The following MTHFD1 variants were observed in gnomAD, a reference collection of about 807,000 sequenced individuals.
MTHFD1 encodes methylenetetrahydrofolate dehydrogenase, cyclohydrolase and formyltetrahydrofolate synthetase 1.
A neutral mutation model predicts 110.3 loss-of-function variants in MTHFD1; 44 were observed. The observed-to-expected ratio is 0.40, with a 90% confidence interval of 0.31 to 0.51. The LOEUF is 0.51. Ranked by LOEUF, MTHFD1 falls within the 20% of genes least tolerant of loss-of-function variation. The pLI is 0.60. For synonymous variants in MTHFD1, 402 were observed against 428.8 expected (o/e 0.94, Z 0.77); for missense variants, 909 against 1,173.1 (o/e 0.77, Z 3.29).
chr14:64,425,003 T>C, intron 9 of MTHFD1, 72 bp downstream of exon 9: 6 of 1,580,244 alleles, frequency 3.8e-6, no homozygotes, highest in Non-Finnish European at 5.2e-6. Context: ...TCTCCCCAAG[T>C]AGAAATGTCA....
intron 1 of MTHFD1, among the ~76,000 whole-genome samples, chr14:64,397,993 A>C (rs975819380): frequency 6.6e-6 from 1 of 152,176 alleles, no homozygotes; most frequent in Non-Finnish European, 1.5e-5. Context: ...CTTAGGGCCA[A>C]AGAGAGCCTG....
Position 64,399,530 on chromosome 14 carries a change from G to A in MTHFD1, c.42-1263G>A, listed in dbSNP as rs144345053. Reference sequence around the variant, plus strand: ...AAAAATTAGCCGGGCGTGGTGGCACGTGCCTGTAATCTCAGCTACTCAGGA... The same window carrying A: ...AAAAATTAGCCGGGCGTGGTGGCACATGCCTGTAATCTCAGCTACTCAGGA... On this transcript the variant is annotated intron_variant, in intron 1 of 27. Transcript: ENST00000652337. 4.3e-3 allele frequency among the ~76,000 whole-genome samples: 660 copies of A among 151,934 alleles called. 7 individuals carry two copies. The highest frequency in any genetic ancestry group is 0.015 in the African/African-American group (626 of 41,444).
At chr14:64,394,308 C>T (rs151069897) in intron 1 of MTHFD1, among the ~76,000 whole-genome samples, 27 of 152,228 alleles carry the variant, frequency 1.8e-4, no homozygotes, top group African/African-American at 6.3e-4. Flanking sequence ...GCATTTCTTT[C>T]CCTACCATGG....
At chr14:64,415,148 A>G (rs1203015861) in intron 4 of MTHFD1, among the ~76,000 whole-genome samples, 1 of 152,112 alleles carries the variant, frequency 6.6e-6, no homozygotes, top group Non-Finnish European at 1.5e-5. Context: ...TAGCTCTTTT[A>G]TTTGATGGAC....
chr14:64,420,953 C>T (rs566882716), intron 8 of MTHFD1, among the ~76,000 whole-genome samples: 2 of 152,128 alleles, frequency 1.3e-5, no homozygotes, highest in Admixed American at 1.3e-4. Context: ...GCAAAACTTG[C>T]GTACGTCCTC....
chr14:64,396,174 G>A (rs12587229), intron 1 of MTHFD1, among the ~76,000 whole-genome samples: 49,407 of 151,868 alleles, frequency 0.33, 9,584 homozygotes, highest in South Asian at 0.52. Context: ...TAGTACTATT[G>A]TCAGTTGACT....
intron 4 of MTHFD1, among the ~76,000 whole-genome samples, chr14:64,413,426 A>G (rs993386817): frequency 3.3e-5 from 5 of 152,158 alleles, no homozygotes; most frequent in African/African-American, 1.2e-4. Context: ...TTCCTTTTAT[A>G]TGAGGTTCAG....
Position 64,415,635 on chromosome 14 carries a change from T to A in MTHFD1, c.378-4T>A, listed in dbSNP as rs2078019891. On this transcript the variant is annotated splice_region_variant and splice_polypyrimidine_tract_variant and intron_variant, in intron 5 of 27. Coordinates refer to ENST00000652337, the MANE Select transcript of MTHFD1 (RefSeq NM_005956.4). ...TTCCTTCTTATTTCCATCACTTTTT[T>A]AAGATTGACTAGCATCAATGCTGGG... 1.9e-6 allele frequency: 3 copies of A among 1,612,680 alleles called. No individual in the cohort carries two copies. The highest frequency in any genetic ancestry group is 1.1e-5 in the South Asian group (1 of 91,034).
chr14:64,421,693 G>A (rs145425947), intron 8 of MTHFD1, among the ~76,000 whole-genome samples: 4,546 of 151,084 alleles, frequency 0.03, 112 homozygotes, highest in Middle Eastern at 0.048. Context: ...GCGCGATCTC[G>A]GCTCACTGCA....
intron 8 of MTHFD1, among the ~76,000 whole-genome samples, chr14:64,423,684 C>G (rs1354691424): frequency 6.6e-6 from 1 of 151,612 alleles, no homozygotes; most frequent in Non-Finnish European, 1.5e-5. Context: ...GTGTGAGCCA[C>G]CACACCTGGC....
At chr14:64,413,457 C>T (rs748991421) in intron 4 of MTHFD1, among the ~76,000 whole-genome samples, 1 of 152,086 alleles carries the variant, frequency 6.6e-6, no homozygotes, top group Non-Finnish European at 1.5e-5. Flanking sequence ...AACAAATCAG[C>T]GGTGATTAAA....
chr14:64,453,710 C>G (rs752591117), intron 24 of MTHFD1, 44 bp from the exon 25 acceptor site: 2 of 1,174,392 alleles, frequency 1.7e-6, no homozygotes, highest in Non-Finnish European at 2.6e-6. Context: ...AATGTCCTCA[C>G]ATGTGTCCAG....
chr14:64,454,334 A>G (rs1393381212), intron 25 of MTHFD1, among the ~76,000 whole-genome samples: 2 of 151,940 alleles, frequency 1.3e-5, no homozygotes, highest in Non-Finnish European at 2.9e-5. Flanking sequence ...GCTGGTCTTG[A>G]ACTCCTGGGC....
At chr14:64,448,358 TCTC>T in intron 23 of MTHFD1, 41 bp downstream of exon 23, 1 of 1,431,006 alleles carries the variant, frequency 7.0e-7, no homozygotes, top group Non-Finnish European at 9.9e-7. Flanking sequence ...ATGTGGAAAA[TCTC>T]CTGGAGCTGA....
At chr14:64,425,906 C>T in intron 10 of MTHFD1, 79 bp downstream of exon 10, 3 of 1,565,528 alleles carry the variant, frequency 1.9e-6, no homozygotes, top group East Asian at 4.5e-5. Flanking sequence ...TTCACATATG[C>T]TCCCTCTGAA....
At chr14:64,458,398 A>G in intron 27 of MTHFD1, 91 bp downstream of exon 27, 1 of 883,404 alleles carries the variant, frequency 1.1e-6, no homozygotes, top group South Asian at 1.3e-5. Flanking sequence ...AAAAATTCAC[A>G]TTCTAATGCT....
Position 64,448,253 on chromosome 14 carries a change from A to C in MTHFD1, c.2215A>C (p.Lys739Gln). The C allele has an allele frequency of 4.3e-6, 7 of 1,614,188 alleles. No homozygotes were observed. Among genetic ancestry groups the C allele is most frequent in the Non-Finnish European group, 4.2e-6 (5 of 1,180,016 alleles). ...ELVEKGFSNL[K>Q]KQIENARMFG... is the part of the protein sequence containing the mutation. ...GGTTGAAAAAGGCTTCAGTAACTTGAAGAAACAAATTGAAAATGCCAGAAT... is the reference window on the plus strand; with the variant it reads ...GGTTGAAAAAGGCTTCAGTAACTTGCAGAAACAAATTGAAAATGCCAGAAT... The change falls in exon 23 of 28, where the codon AAG becomes CAG. Residue 739 changes from lysine to glutamine, a missense_variant. By Grantham distance (53) the Lys-to-Gln change is moderately conservative. Around this residue, in one of 3 missense-constraint regions of MTHFD1, gnomAD observed 482 missense variants for 646.0 expected, o/e 0.75. Coordinates refer to ENST00000652337, the MANE Select transcript of MTHFD1 (RefSeq NM_005956.4).
At chr14:64,457,950 G>T in intron 26 of MTHFD1, 1 of 557,196 alleles carries the variant, frequency 1.8e-6, no homozygotes, top group Non-Finnish European at 3.2e-6. Flanking sequence ...CCAGGCAATC[G>T]GATGATCATG....
chr14:64,445,811 T>G lies in MTHFD1; in HGVS notation c.2178+1077T>G, dbSNP rs1269015026. Among the ~76,000 whole-genome samples, 3 of 152,222 alleles carry G rather than the reference T, an allele frequency of 2.0e-5. 1 individual carries two copies. Among genetic ancestry groups the G allele is most frequent in the African/African-American group, 7.2e-5 (3 of 41,466 alleles). ...CCAGCTGGTGTCTTCATTTAAGAAA[T>G]TCTACTTATTTAAAACTGTTCTTGA... On this transcript the variant is annotated intron_variant, in intron 22 of 27. Coordinates refer to ENST00000652337, the MANE Select transcript of MTHFD1 (RefSeq NM_005956.4).
Sources: gnomAD v4.1 joint callset for allele counts (sites outside exome capture counted in the v4.1 genomes callset) on GRCh38, gnomAD v4.1.1 for gene constraint, gnomAD v4.1.1 regional missense constraint, MANE v1.5 for transcripts, NCBI Gene and HGNC (gene_info 2026-07-23, HGNC 2026-07-21) for gene names.